The following RIMS2 variants were observed in gnomAD, a reference collection of about 807,000 sequenced individuals.
RIMS2 encodes the protein regulating synaptic membrane exocytosis protein 2.
A neutral mutation model predicts 174.4 loss-of-function variants in RIMS2; 59 were observed. The observed-to-expected ratio is 0.34, with a 90% CI of 0.27 to 0.42. The LOEUF is 0.42. Ranked by LOEUF, RIMS2 falls within the 10% of genes least tolerant of loss-of-function variation. The pLI is 1.00. For missense variants in RIMS2, 1,620 were observed against 1,666.3 expected (o/e 0.97, Z 0.48); for synonymous variants, 606 against 572.5 (o/e 1.06, Z -0.84).
At position 104,142,200 on chromosome 8, in the gene RIMS2, C is replaced by A. The variant is rs571120212; in HGVS notation, c.3335-102716C>A. Among the ~76,000 whole-genome samples, 14 of 147,778 alleles carry A rather than the reference C, an allele frequency of 9.5e-5. No individual in the cohort carries two copies. The South Asian group carries it at 1.1e-3, about 12-fold the overall frequency. The stretch of plus-strand genomic sequence containing the variant: ...GGAGTACAATGGCGTGATCTCGGCT[C>A]AACCACAACCTCCGCCTCCCGGGTT... On this transcript the variant is annotated intron_variant, in intron 19 of 23. Transcript: ENST00000504942.
At chr8:103,520,837 C>T (rs1369052479) in intron 1 of RIMS2, among the ~76,000 whole-genome samples, 1 of 152,038 alleles carries the variant, frequency 6.6e-6, no homozygotes, top group Non-Finnish European at 1.5e-5. Context: ...ATAGTTTCAT[C>T]TGGAGCTCTG....
chr8:103,819,317 C>T (rs767326596), intron 3 of RIMS2: 99 of 1,416,112 alleles, frequency 7.0e-5, no homozygotes, highest in Middle Eastern at 2.6e-4. Context: ...GAATCTTCTA[C>T]GACTGAATTA....
chr8:103,668,166 C>G (rs901724872), intron 1 of RIMS2, among the ~76,000 whole-genome samples: 3 of 152,188 alleles, frequency 2.0e-5, no homozygotes, highest in Non-Finnish European at 2.9e-5. Context: ...AAGGGATCAA[C>G]TTATATTTTC....
chr8:103,740,423 C>G (rs1195486012), intron 2 of RIMS2, among the ~76,000 whole-genome samples: 9 of 152,106 alleles, frequency 5.9e-5, no homozygotes, highest in African/African-American at 2.2e-4. Flanking sequence ...TATAGGGCTT[C>G]TTGTAGAGGA....
rs76742837 is a variant in RIMS2, at chr8:103,517,203, C to T, written c.176+16141C>T. ...TTGAACAGAGGAAGGGGCTAGTATA[C>T]GAACATGGAGGATTTAAGGAAGTCT... On this transcript the variant is annotated intron_variant, in intron 1 of 23. Coordinates refer to ENST00000504942, the Ensembl canonical transcript of RIMS2. Among the ~76,000 whole-genome samples, 8 of 152,180 alleles carry T rather than the reference C, an allele frequency of 5.3e-5. 1 individual carries two copies. The highest frequency in any genetic ancestry group is 4.1e-4 in the South Asian group (2 of 4,828).
chr8:104,057,815 G>A (rs1442968206), intron 19 of RIMS2, among the ~76,000 whole-genome samples: 11 of 145,962 alleles, frequency 7.5e-5, no homozygotes, highest in East Asian at 2.0e-4. Context: ...GAGAACATAC[G>A]GTGTTTGGTT....
chr8:103,652,771 T>A, intron 1 of RIMS2, 61 bp downstream of exon 3: 1 of 1,047,216 alleles, frequency 9.5e-7, no homozygotes, highest in Non-Finnish European at 1.3e-6. Context: ...TACTGAAAAG[T>A]ATGTGTTAAA....
chr8:103,619,208 G>A (rs1189954458), intron 1 of RIMS2, among the ~76,000 whole-genome samples: 1 of 151,370 alleles, frequency 6.6e-6, no homozygotes, highest in Non-Finnish European at 1.5e-5. Context: ...TATGAAGTAA[G>A]AGTATCTTAG....
At chr8:103,867,464 C>A (rs1259166387) in intron 3 of RIMS2, among the ~76,000 whole-genome samples, 1 of 151,726 alleles carries the variant, frequency 6.6e-6, no homozygotes, top group Non-Finnish European at 1.5e-5. Flanking sequence ...TATTCAGTTA[C>A]TCTTTGTCAT....
chr8:103,554,036 T>C (rs1349862994), intron 1 of RIMS2, among the ~76,000 whole-genome samples: 1 of 152,150 alleles, frequency 6.6e-6, no homozygotes, highest in East Asian at 1.9e-4. Flanking sequence ...TTATACCTTA[T>C]ACAAATAGCA....
intron 1 of RIMS2, among the ~76,000 whole-genome samples, chr8:103,565,588 C>T (rs1295979295): frequency 6.6e-6 from 1 of 152,164 alleles, no homozygotes; most frequent in East Asian, 1.9e-4. Flanking sequence ...TTACACCGCA[C>T]TTGGCCTAGC....
At chr8:104,054,006 C>T (rs1331289116) in intron 19 of RIMS2, among the ~76,000 whole-genome samples, 4 of 152,100 alleles carry the variant, frequency 2.6e-5, no homozygotes, top group African/African-American at 9.7e-5. Context: ...CTGTATTTAA[C>T]ATCCTCAATG....
chr8:104,245,359 A>G (rs1027259889), intron 20 of RIMS2, among the ~76,000 whole-genome samples: 4 of 152,258 alleles, frequency 2.6e-5, no homozygotes, highest in African/African-American at 9.6e-5. Flanking sequence ...AATATATAAA[A>G]GCCCAAAAAT....
At chr8:103,916,578 T>C (rs1448711346) in intron 8 of RIMS2, 41 bp downstream of exon 11, 2 of 1,529,426 alleles carry the variant, frequency 1.3e-6, no homozygotes, top group African/African-American at 1.4e-5. Context: ...TGAAGTTGAA[T>C]AGTGTTAAAC....
chr8:104,107,954 T>A (rs1410930141), intron 19 of RIMS2, among the ~76,000 whole-genome samples: 2 of 141,064 alleles, frequency 1.4e-5, no homozygotes, highest in Non-Finnish European at 1.5e-5. Context: ...ATAGTCCAGG[T>A]GGTCTTTCCC....
intron 3 of RIMS2, among the ~76,000 whole-genome samples, chr8:103,795,602 T>C (rs1174331896): frequency 6.6e-6 from 1 of 151,444 alleles, no homozygotes; most frequent in African/African-American, 2.4e-5. Flanking sequence ...AAATAAGAAG[T>C]ACAAAGAAAA....
chr8:104,088,278 T>C (rs2097571836), intron 19 of RIMS2, among the ~76,000 whole-genome samples: 1 of 151,996 alleles, frequency 6.6e-6, no homozygotes, highest in African/African-American at 2.4e-5. Flanking sequence ...GATTATGACA[T>C]GAAATAAAAA....
intron 4 of RIMS2, among the ~76,000 whole-genome samples, chr8:103,889,237 A>C (rs1365255266): frequency 4.6e-5 from 7 of 151,818 alleles, no homozygotes; most frequent in Admixed American, 2.6e-4. Context: ...AGTGAATTTT[A>C]AACATGTTTT....
chr8:103,910,650 C>T, intron 5 of RIMS2, 121 bp downstream of exon 8: 1 of 573,368 alleles, frequency 1.7e-6, no homozygotes, highest in East Asian at 2.9e-5. Context: ...TGTAGCATTT[C>T]TTAAGGTGCA....
Sources: allele counts gnomAD v4.1 joint callset (sites outside exome capture counted in the v4.1 genomes callset), GRCh38; gene constraint gnomAD v4.1.1; transcripts MANE v1.5; gene names NCBI Gene and HGNC (gene_info 2026-07-23, HGNC 2026-07-21).